Variants in HDX observed in about 807,000 individuals in gnomAD.
The protein encoded by HDX is highly divergent homeobox, also known as chromosome X open reading frame 43.
HDX carries 19 observed loss-of-function variants against 45.2 expected under a neutral mutation model. The ratio of observed to expected loss-of-function variants is 0.42; its 90% confidence interval spans 0.29 to 0.62. The LOEUF (loss-of-function observed/expected upper bound fraction) is 0.62. HDX is among the 20% of genes least tolerant of loss of function. The pLI is 0.20. For synonymous variants in HDX, 188 were observed against 172.8 expected (o/e 1.09, Z -0.69); for missense variants, 532 against 493.9 (o/e 1.08, Z -0.73).
At chrX:84,459,725 T>C (rs1265730063) in intron 4 of HDX, among the ~76,000 whole-genome samples, 1 of 109,522 alleles carries the variant, frequency 9.1e-6, no homozygotes, top group African/African-American at 3.3e-5. Context: ...AAATAAAAAA[T>C]AGTACAAAAG....
chrX:84,496,991 G>A (rs1261181070), intron 1 of HDX, among the ~76,000 whole-genome samples: 2 of 110,752 alleles, frequency 1.8e-5, no homozygotes. Flanking sequence ...TCATGGGGGC[G>A]GTTTCCCCCA....
intron 6 of HDX, among the ~76,000 whole-genome samples, chrX:84,358,967 T>G (rs967701950): frequency 5.4e-5 from 6 of 111,387 alleles, no homozygotes; most frequent in African/African-American, 2.0e-4. Context: ...ACTGTTAGCA[T>G]CTCTTCCCAA....
rs755024180 is a variant in HDX at position 84,440,480 on chromosome X, C to G, written c.1305+52G>C. ...GGCAATTTTCTCAATGGCATTTTTA[C>G]TAACAGCACAAGGGGAAACCCATTT... is the stretch of plus-strand genomic sequence containing the variant. On this transcript the variant is annotated intron_variant, in intron 5 of 10. Coordinates refer to ENST00000373177, the MANE Select transcript of HDX (RefSeq NM_001177479.2). 6.1e-5 allele frequency: 53 copies of G among 865,166 alleles called. No homozygotes were observed. The East Asian group carries it at 1.6e-3, about 26-fold the overall frequency. The allele number at this position is 865,166 out of a possible 1,213,427, so 71.3% of individuals were successfully genotyped here. A position where few individuals can be genotyped will look rare whatever the true frequency, so the allele number is the denominator to read the frequency against.
chrX:84,381,141 C>T (rs749005329), intron 5 of HDX, among the ~76,000 whole-genome samples: 1 of 110,378 alleles, frequency 9.1e-6, no homozygotes, highest in Non-Finnish European at 1.9e-5. Flanking sequence ...AGGAATTAAC[C>T]AAAGAAGTTA....
chrX:84,320,666 A>C lies in HDX; in HGVS notation c.*1223T>G, dbSNP rs903650751. The stretch of plus-strand genomic sequence containing the variant: ...CACAATTGCACACTGCCAAGTCACA[A>C]ATATATGACACTGTGGGCTTAGGGA... On this transcript the variant is annotated 3_prime_UTR_variant, in exon 11 of 11. Coordinates refer to ENST00000373177, the MANE Select transcript of HDX (RefSeq NM_001177479.2). 9.0e-6 allele frequency: 1 copy of C among 110,900 alleles called. No individual in the cohort carries two copies. Among genetic ancestry groups the C allele is most frequent in the African/African-American group, 3.3e-5 (1 of 30,720 alleles). The allele number at this position is 110,900 out of a possible 1,213,427, so 9.1% of individuals were successfully genotyped here.
At chrX:84,327,706 G>A (rs191289082) in intron 9 of HDX, among the ~76,000 whole-genome samples, 7 of 111,545 alleles carry the variant, frequency 6.3e-5, no homozygotes, top group Non-Finnish European at 1.1e-4. Flanking sequence ...GAAAACAGAG[G>A]AGAAAATCTT....
chrX:84,470,838 A>G (rs927065626), intron 3 of HDX, among the ~76,000 whole-genome samples: 37 of 111,284 alleles, frequency 3.3e-4, no homozygotes, highest in African/African-American at 1.0e-3. Flanking sequence ...CATATTATAA[A>G]CACCAAAGCA....
At chrX:84,412,190 A>C (rs778029185) in intron 5 of HDX, among the ~76,000 whole-genome samples, 1 of 111,513 alleles carries the variant, frequency 9.0e-6, no homozygotes, top group African/African-American at 3.3e-5. Flanking sequence ...TGCAGATTAG[A>C]TCCTGTTGTC....
intron 4 of HDX, among the ~76,000 whole-genome samples, chrX:84,465,065 G>A (rs1176794184): frequency 1.8e-5 from 2 of 112,055 alleles, no homozygotes; most frequent in Non-Finnish European, 3.8e-5. Flanking sequence ...ACAAACATAT[G>A]AAAAAAAGCT....
At chrX:84,469,800 T>C (rs60730144) in intron 3 of HDX, among the ~76,000 whole-genome samples, 1,474 of 111,671 alleles carry the variant, frequency 0.013, 36 homozygotes, top group African/African-American at 0.047. Flanking sequence ...CAGAGTGTAT[T>C]ATTGTTTCTC....
chrX:84,327,023 T>C (rs796639486), intron 9 of HDX, among the ~76,000 whole-genome samples: 1 of 111,346 alleles, frequency 9.0e-6, no homozygotes, highest in Non-Finnish European at 1.9e-5. Flanking sequence ...TACTCAGAAC[T>C]TAAATGGTGA....
intron 5 of HDX, among the ~76,000 whole-genome samples, chrX:84,374,033 C>T (rs1244582588): frequency 4.6e-5 from 5 of 109,852 alleles, no homozygotes; most frequent in Admixed American, 9.8e-5. Context: ...CCAAAATCTC[C>T]TTAAGCTGAT....
rs143117781 is a variant in HDX at position 84,341,234 on chromosome X, G to C, written c.1660+3016C>G. 8.1e-4 allele frequency among the ~76,000 whole-genome samples: 90 copies of C among 110,833 alleles called. 1 individual carries two copies. In the East Asian group the frequency reaches 0.025, roughly 30 times the overall value. ...GTCATGAGTCACTGGGAATATCCAAGTATCTCCAGGCATATGCAATTTAGT... is the reference window on the plus strand; with the variant it reads ...GTCATGAGTCACTGGGAATATCCAACTATCTCCAGGCATATGCAATTTAGT... On this transcript the variant is annotated intron_variant, in intron 7 of 10. Coordinates refer to ENST00000373177, the MANE Select transcript of HDX (RefSeq NM_001177479.2).
At chrX:84,486,561 G>T (rs1444576618) in intron 2 of HDX, among the ~76,000 whole-genome samples, 1 of 110,363 alleles carries the variant, frequency 9.1e-6, no homozygotes, top group Non-Finnish European at 1.9e-5. Flanking sequence ...CTTTTCTTAG[G>T]TTTTTTAAAT....
At chrX:84,326,846 G>A (rs1177201993) in intron 9 of HDX, among the ~76,000 whole-genome samples, 1 of 109,198 alleles carries the variant, frequency 9.2e-6, no homozygotes, top group Non-Finnish European at 1.9e-5. Flanking sequence ...TTGGAGGTGG[G>A]CAGAGGTTGC....
At chrX:84,495,622 A>T (rs2040984596) in intron 1 of HDX, among the ~76,000 whole-genome samples, 2 of 111,869 alleles carry the variant, frequency 1.8e-5, no homozygotes, top group Non-Finnish European at 3.8e-5. Flanking sequence ...CCCAAATCTG[A>T]TAGCCACAGG....
intron 4 of HDX, among the ~76,000 whole-genome samples, chrX:84,460,728 A>G (rs1165797783): frequency 9.0e-6 from 1 of 111,688 alleles, no homozygotes; most frequent in African/African-American, 3.3e-5. Flanking sequence ...AGAAATAAAT[A>G]AGTTTGAAAG....
intron 5 of HDX, among the ~76,000 whole-genome samples, chrX:84,412,834 A>G (rs2039018638): frequency 8.9e-6 from 1 of 111,895 alleles, no homozygotes; most frequent in Non-Finnish European, 1.9e-5. Context: ...TTTACATAAT[A>G]CTATATTTCT....
chrX:84,376,482 T>C (rs1423699075), intron 5 of HDX, among the ~76,000 whole-genome samples: 1 of 111,567 alleles, frequency 9.0e-6, no homozygotes, highest in Admixed American at 9.5e-5. Flanking sequence ...TTTCTGGACT[T>C]TCCCTGAGCC....
Sources: allele counts gnomAD v4.1 joint callset (sites outside exome capture counted in the v4.1 genomes callset), GRCh38; gene constraint gnomAD v4.1.1; transcripts MANE v1.5; gene names NCBI Gene and HGNC (gene_info 2026-07-23, HGNC 2026-07-21).